PCSK6: variants seen among roughly 807,000 people sequenced by gnomAD.
PCSK6 encodes paired basic amino acid cleaving enzyme 4.
In PCSK6, 85 loss-of-function variants were observed where a neutral mutation model predicts 123.3. The observed-to-expected ratio is 0.69, with a 90% CI of 0.58 to 0.83. The LOEUF (loss-of-function observed/expected upper bound fraction) is 0.83. Ranked by LOEUF, PCSK6 falls within the 40% of genes least tolerant of loss-of-function variation. The probability of loss-of-function intolerance (pLI) is 0.00; values close to 1 mark genes in which losing one functional copy is unlikely to be tolerated. For missense variants in PCSK6, 1,191 were observed against 1,282.3 expected (o/e 0.93, Z 1.09); for synonymous variants, 508 against 516.0 (o/e 0.98, Z 0.21).
rs1031140923 is a variant in PCSK6 at position 101,486,840 on chromosome 15, G to A, written c.297+2534C>T. On this transcript the variant is annotated intron_variant, in intron 1 of 21. Transcript: ENST00000611716. ...GCAAGTACAGAACATAACACTAATT[G>A]CCCATTAAGGGCTTGGAGAAAGAGT... Among the ~76,000 whole-genome samples the A allele has an allele frequency of 3.9e-5, 6 of 152,230 alleles. 1 individual carries two copies. Among genetic ancestry groups the A allele is most frequent in the African/African-American group, 1.4e-4 (6 of 41,454 alleles).
intron 13 of PCSK6, among the ~76,000 whole-genome samples, chr15:101,340,800 T>C (rs1042064256): frequency 1.3e-5 from 2 of 152,154 alleles, no homozygotes; most frequent in Non-Finnish European, 2.9e-5. Context: ...CAAAATTTCT[T>C]ACTGGGTCCA....
intron 1 of PCSK6, among the ~76,000 whole-genome samples, chr15:101,461,102 T>G (rs776975246): frequency 1.2e-4 from 18 of 152,048 alleles, no homozygotes; most frequent in Admixed American, 2.6e-4. Flanking sequence ...TCTGGCAATA[T>G]AGCCAAACCC....
At chr15:101,443,062 T>A (rs1438442829) in intron 2 of PCSK6, among the ~76,000 whole-genome samples, 1 of 152,254 alleles carries the variant, frequency 6.6e-6, no homozygotes, top group Non-Finnish European at 1.5e-5. Context: ...GGAAGTATAA[T>A]TAACCACCCA....
intron 6 of PCSK6, among the ~76,000 whole-genome samples, chr15:101,416,006 T>G (rs1218579345): frequency 1.3e-5 from 2 of 152,186 alleles, no homozygotes; most frequent in African/African-American, 4.8e-5. Flanking sequence ...AGAGTGGGCA[T>G]TGCTGAAAAG....
rs186246854 is a variant in PCSK6, at chr15:101,367,195, C to T, written c.1722-863G>A. Among the ~76,000 whole-genome samples, 32 of 152,310 alleles carry T rather than the reference C, an allele frequency of 2.1e-4. No homozygotes were observed. In the East Asian group the frequency reaches 4.4e-3, roughly 21 times the overall value. Reference sequence around the variant, plus strand: ...GCCTCACACTTGGTTCAGGCAGAAACAGGAAGCAACTAATCAACATCCAAT... The same window carrying T: ...GCCTCACACTTGGTTCAGGCAGAAATAGGAAGCAACTAATCAACATCCAAT... On this transcript the variant is annotated intron_variant, in intron 12 of 21. Transcript: ENST00000611716.
chr15:101,370,909 GACGATGGCCCTGTCT>G (rs2041565803), intron 11 of PCSK6, among the ~76,000 whole-genome samples: 1 of 152,162 alleles, frequency 6.6e-6, no homozygotes, highest in African/African-American at 2.4e-5. Flanking sequence ...CATTCCTCTG[GACGATGGCCCTGTCT>G]GCCTTGCATT....
intron 1 of PCSK6, among the ~76,000 whole-genome samples, chr15:101,488,406 G>C (rs1345585724): frequency 1.3e-5 from 2 of 152,186 alleles, no homozygotes; most frequent in African/African-American, 4.8e-5. Flanking sequence ...AAAGGGACCC[G>C]CCGGGAGGTC....
intron 6 of PCSK6, among the ~76,000 whole-genome samples, chr15:101,424,968 T>C (rs1047750756): frequency 2.0e-5 from 3 of 152,084 alleles, no homozygotes; most frequent in Non-Finnish European, 4.4e-5. Context: ...CTCTAGGAGC[T>C]CAGCATGTCT....
chr15:101,310,928 A>T lies in PCSK6; in HGVS notation c.2699+2448T>A, dbSNP rs150552795. 9.1e-3 allele frequency among the ~76,000 whole-genome samples: 1,379 copies of T among 152,090 alleles called. 9 individuals are homozygous for T. The highest frequency in any genetic ancestry group is 0.015 in the Non-Finnish European group (1,002 of 67,982). ...CTTTTTCAGACGGAAGCCCCCCGATATGGTTTGAACATTTGTCCCCTCCAA... is the reference window on the plus strand; with the variant it reads ...CTTTTTCAGACGGAAGCCCCCCGATTTGGTTTGAACATTTGTCCCCTCCAA... On this transcript the variant is annotated intron_variant, in intron 20 of 21. Transcript: ENST00000611716.
At chr15:101,487,396 G>C (rs1462759806) in intron 1 of PCSK6, among the ~76,000 whole-genome samples, 2 of 152,206 alleles carry the variant, frequency 1.3e-5, no homozygotes, top group Non-Finnish European at 2.9e-5. Context: ...AGTGTGCATC[G>C]GGGCGAATCT....
chr15:101,401,597 G>C (rs1175114187), intron 6 of PCSK6, among the ~76,000 whole-genome samples: 1 of 152,228 alleles, frequency 6.6e-6, no homozygotes, highest in Non-Finnish European at 1.5e-5. Flanking sequence ...ACCATCAACT[G>C]TGACCAGGTA....
intron 6 of PCSK6, among the ~76,000 whole-genome samples, chr15:101,422,506 T>TC (rs1209651725): frequency 1.3e-5 from 2 of 152,306 alleles, no homozygotes; most frequent in Non-Finnish European, 2.9e-5. Context: ...AAAGACCATA[T>TC]GCTAGGGCTA....
At chr15:101,361,228 G>C (rs1435113119) in intron 13 of PCSK6, among the ~76,000 whole-genome samples, 1 of 145,518 alleles carries the variant, frequency 6.9e-6, no homozygotes, top group Non-Finnish European at 1.5e-5. Flanking sequence ...CTAGTGATCT[G>C]GAAGGTTGGC....
intron 15 of PCSK6, among the ~76,000 whole-genome samples, chr15:101,329,876 C>G (rs991928888): frequency 5.9e-5 from 9 of 152,362 alleles, no homozygotes; most frequent in African/African-American, 2.2e-4. Flanking sequence ...CTCCTGCCCC[C>G]ATCCTCGCTG....
chr15:101,307,154 C>G lies in PCSK6; in HGVS notation c.2812+59G>C. 3.9e-6 allele frequency: 5 copies of G among 1,287,894 alleles called. No individual in the cohort carries two copies. The South Asian group carries it at 6.1e-5, about 16-fold the overall frequency. 79.8% of individuals were successfully genotyped at this position (1,287,894 alleles called of 1,614,324 possible). A position where few individuals can be genotyped will look rare whatever the true frequency, so the allele number is the denominator to read the frequency against. The stretch of plus-strand genomic sequence containing the variant: ...TGGCTTTGCTTTTCTCTTTGGAGCA[C>G]GAGCTGGCCAGCTGAGCTCCTCCAC... On this transcript the variant is annotated intron_variant, in intron 21 of 21. Transcript: ENST00000611716.
chr15:101,436,355 G>A (rs768849498), intron 2 of PCSK6, among the ~76,000 whole-genome samples: 6 of 152,302 alleles, frequency 3.9e-5, no homozygotes, highest in East Asian at 3.9e-4. Context: ...AGTACGCACC[G>A]GCAGGGCTGC....
chr15:101,489,447 G>A lies in PCSK6; in HGVS notation c.224C>T (p.Ala75Val). ...PPRPVYTNHW[A>V]VQVLGGPAEA... Reference sequence around the variant, plus strand: ...GGCCGGGCCGCCCAGCACTTGCACCGCCCAGTGGTTGGTGTAGACGGGGCG... The same window carrying A: ...GGCCGGGCCGCCCAGCACTTGCACCACCCAGTGGTTGGTGTAGACGGGGCG... Residue 75 changes from alanine to valine, a missense_variant, in exon 1 of 22, where the codon GCG (alanine) becomes GTG (valine). Ala to Val is a moderately conservative substitution (Grantham distance 64). This residue lies in a region of PCSK6 where 204 missense variants were observed against 166.4 expected (regional missense o/e 1.23). Coordinates refer to ENST00000611716, the MANE Select transcript of PCSK6 (RefSeq NM_002570.5). The A allele has an allele frequency of 5.8e-6, 7 of 1,215,626 alleles. No individual in the cohort carries two copies. Among genetic ancestry groups the A allele is most frequent in the Non-Finnish European group, 7.2e-6 (7 of 968,508 alleles). The allele number at this position is 1,215,626 out of a possible 1,614,324, so 75.3% of individuals were successfully genotyped here.
At chr15:101,329,251 T>C (rs1263233966) in intron 15 of PCSK6, among the ~76,000 whole-genome samples, 1 of 152,180 alleles carries the variant, frequency 6.6e-6, no homozygotes, top group Non-Finnish European at 1.5e-5. Flanking sequence ...AACAAATAAA[T>C]GTTAGAAGCA....
chr15:101,454,724 C>G (rs112071521), intron 1 of PCSK6, among the ~76,000 whole-genome samples: 2,201 of 152,088 alleles, frequency 0.014, 43 homozygotes, highest in African/African-American at 0.042. Flanking sequence ...GTGGACAGAT[C>G]ACATGAGGTC....
Sources: gnomAD v4.1 joint callset for allele counts (sites outside exome capture counted in the v4.1 genomes callset) on GRCh38, gnomAD v4.1.1 for gene constraint, gnomAD v4.1.1 regional missense constraint, MANE v1.5 for transcripts, NCBI Gene and HGNC (gene_info 2026-07-23, HGNC 2026-07-21) for gene names.